The following LANCL1 variants were observed in gnomAD, a reference collection of about 807,000 sequenced individuals.
LANCL1 encodes glutathione S-transferase LANCL1.
LANCL1 carries 50 observed loss-of-function variants against 50.6 expected under a neutral mutation model. The observed-to-expected ratio is 0.99, with a 90% CI of 0.79 to 1.25. The LOEUF (loss-of-function observed/expected upper bound fraction) is 1.25, where lower values mean the gene tolerates loss of function less well. Ranked by LOEUF, LANCL1 falls within the 50% of genes most tolerant of loss-of-function variation. The pLI, the probability that LANCL1 is intolerant of heterozygous loss-of-function variation, is 0.00. For missense variants in LANCL1, 532 were observed against 480.7 expected (o/e 1.11, Z -1.00); for synonymous variants, 188 against 178.6 (o/e 1.05, Z -0.42).
chr2:210,473,156 A>C (rs1414234151), intron 2 of LANCL1, among the ~76,000 whole-genome samples: 8 of 152,164 alleles, frequency 5.3e-5, no homozygotes, highest in Non-Finnish European at 1.0e-4. Context: ...TGGGCGGATA[A>C]CCTGAGGTTA....
At chr2:210,447,143 A>G (rs1693364837) in intron 4 of LANCL1, among the ~76,000 whole-genome samples, 1 of 152,368 alleles carries the variant, frequency 6.6e-6, no homozygotes, top group Non-Finnish European at 1.5e-5. Flanking sequence ...TCAGACTAAC[A>G]GTGGATCTCT....
chr2:210,449,735 C>T (rs547257631), intron 4 of LANCL1, among the ~76,000 whole-genome samples: 11 of 152,176 alleles, frequency 7.2e-5, no homozygotes, highest in Non-Finnish European at 1.3e-4. Flanking sequence ...GGTGAACTCC[C>T]ATTCACAATT....
intron 4 of LANCL1, among the ~76,000 whole-genome samples, chr2:210,446,147 C>A (rs1241696503): frequency 1.3e-5 from 2 of 152,152 alleles, no homozygotes; most frequent in Admixed American, 6.5e-5. Flanking sequence ...AGTCCCTGCC[C>A]CCCTGTGCTT....
At chr2:210,465,854 T>G (rs1694038825) in intron 3 of LANCL1, among the ~76,000 whole-genome samples, 1 of 151,704 alleles carries the variant, frequency 6.6e-6, no homozygotes, top group South Asian at 2.1e-4. Flanking sequence ...AACCCTATTC[T>G]GGGGGGGGAA....
At chr2:210,446,230 G>A (rs972587168) in intron 4 of LANCL1, among the ~76,000 whole-genome samples, 16 of 132 alleles carry the variant, frequency 0.12, no homozygotes, top group African/African-American at 0.25. Context: ...GGCATCTGGC[G>A]GGTGCCCTCT....
intron 3 of LANCL1, among the ~76,000 whole-genome samples, chr2:210,456,751 TAA>T (rs1693685341): frequency 6.6e-6 from 1 of 152,134 alleles, no homozygotes; most frequent in African/African-American, 2.4e-5. Flanking sequence ...CTCTCCTAGT[TAA>T]GTTATGTAAG....
intron 4 of LANCL1, among the ~76,000 whole-genome samples, chr2:210,448,997 T>C (rs921889180): frequency 3.9e-5 from 6 of 152,158 alleles, no homozygotes; most frequent in Non-Finnish European, 2.9e-5. Flanking sequence ...CCTCCCTAAC[T>C]CATTTTATGA....
In LANCL1 at chr2:210,476,642, G is replaced by A; in HGVS notation, c.-39C>T. On this transcript the variant is annotated 5_prime_UTR_variant, in exon 1 of 10. Transcript: ENST00000450366. ...CACCCGGACAAAGAGGCCCCGTTTTGCAACCCCGTTCCCACGCCCGCGACT... is the reference window on the plus strand; with the variant it reads ...CACCCGGACAAAGAGGCCCCGTTTTACAACCCCGTTCCCACGCCCGCGACT... 1 of 1,277,818 alleles carries A rather than the reference G, an allele frequency of 7.8e-7. No homozygotes were observed. The allele number at this position is 1,277,818 out of a possible 1,614,324, so 79.2% of individuals were successfully genotyped here.
At chr2:210,453,867 A>G (rs3770695) in intron 4 of LANCL1, among the ~76,000 whole-genome samples, 95,908 of 151,908 alleles carry the variant, frequency 0.63, 31,142 homozygotes, top group East Asian at 0.82. Context: ...GTTTTGTTTC[A>G]TCTTTCATTT....
chr2:210,467,555 C>T (rs551521310), intron 3 of LANCL1, among the ~76,000 whole-genome samples: 2 of 152,210 alleles, frequency 1.3e-5, no homozygotes, highest in Admixed American at 6.5e-5. Flanking sequence ...TGTAAAAATA[C>T]AGAACAGATT....
intron 7 of LANCL1, among the ~76,000 whole-genome samples, chr2:210,437,061 G>C (rs1014531875): frequency 2.0e-5 from 3 of 152,094 alleles, no homozygotes; most frequent in Non-Finnish European, 2.9e-5. Context: ...GTAATTTGTT[G>C]ATTTGGCACC....
chr2:210,456,088 C>G (rs1693666249), intron 3 of LANCL1, among the ~76,000 whole-genome samples: 1 of 152,110 alleles, frequency 6.6e-6, no homozygotes, highest in African/African-American at 2.4e-5. Flanking sequence ...TTTCAAATGC[C>G]TGTCACAGTG....
At chr2:210,469,690 T>G (rs372043485) in intron 3 of LANCL1, among the ~76,000 whole-genome samples, 96 of 152,308 alleles carry the variant, frequency 6.3e-4, no homozygotes, top group African/African-American at 2.3e-3. Flanking sequence ...CCAGAAACCC[T>G]GTACAGCCAA....
rs58058632 is a variant in LANCL1, at chr2:210,452,260, G to A, written c.407+2847C>T. On this transcript the variant is annotated intron_variant, in intron 4 of 9. Coordinates refer to ENST00000450366, the MANE Select transcript of LANCL1 (RefSeq NM_006055.3). The stretch of plus-strand genomic sequence containing the variant: ...AAAAAAAAAAAAGATGTCCATTACT[G>A]ACTCGTCACACTACAAGAAGGGAGG... Among the ~76,000 whole-genome samples, 337 of 150,840 alleles carry A rather than the reference G, an allele frequency of 2.2e-3. 2 individuals carry two copies. Among genetic ancestry groups the A allele is most frequent in the African/African-American group, 7.8e-3 (319 of 41,098 alleles).
At chr2:210,474,526 GCCAACATGGTGAAA>G (rs1694301912) in intron 2 of LANCL1, among the ~76,000 whole-genome samples, 1 of 150,734 alleles carries the variant, frequency 6.6e-6, no homozygotes, top group Non-Finnish European at 1.5e-5. Context: ...CACCAGCCTG[GCCAACATGGTGAAA>G]CCCTGCCTCT....
intron 3 of LANCL1, among the ~76,000 whole-genome samples, chr2:210,457,479 G>A (rs116178833): frequency 6.6e-6 from 1 of 152,080 alleles, no homozygotes; most frequent in South Asian, 2.1e-4. Context: ...GGCAAGGTGG[G>A]AAATAAAAAC....
intron 4 of LANCL1, among the ~76,000 whole-genome samples, chr2:210,443,121 C>T (rs1693196339): frequency 6.6e-6 from 1 of 152,126 alleles, no homozygotes; most frequent in African/African-American, 2.4e-5. Flanking sequence ...ATCAAAGCCC[C>T]ACCCTTTTCA....
chr2:210,450,253 C>T (rs78844723), intron 4 of LANCL1, among the ~76,000 whole-genome samples: 66,289 of 152,030 alleles, frequency 0.44, 16,160 homozygotes, highest in East Asian at 0.61. Context: ...AAAGGATTCC[C>T]TACTTAATAA....
intron 3 of LANCL1, chr2:210,468,477 G>A (rs1694135714): frequency 6.6e-6 from 1 of 152,134 alleles, no homozygotes; most frequent in South Asian, 2.1e-4. Context: ...TTATCCCAAA[G>A]TTCACTCTCC....
Sources: gnomAD v4.1 joint callset for allele counts (sites outside exome capture counted in the v4.1 genomes callset) on GRCh38, gnomAD v4.1.1 for gene constraint, MANE v1.5 for transcripts, NCBI Gene and HGNC (gene_info 2026-07-23, HGNC 2026-07-21) for gene names.